DNAH2: variants seen among roughly 807,000 people sequenced by gnomAD.
The protein encoded by DNAH2 is dynein axonemal heavy chain 2, also known as axonemal beta dynein heavy chain 2.
Under a neutral mutation model 523.5 loss-of-function variants are expected in DNAH2, and 323 were observed. That is an observed-to-expected ratio of 0.62 (90% CI 0.56 to 0.68). DNAH2 has a LOEUF of 0.68. DNAH2 is among the 30% of genes least tolerant of loss of function. The pLI, the probability that DNAH2 is intolerant of heterozygous loss-of-function variation, is 0.00. For synonymous variants in DNAH2, 2,093 were observed against 2,177.4 expected (o/e 0.96, Z 1.08); for missense variants, 4,907 against 5,701.5 (o/e 0.86, Z 4.49).
chr17:7,818,742 A>G lies in DNAH2; in HGVS notation c.10636A>G (p.Arg3546Gly). ...SLVINIAAGK[R>G]KLKELEDEIL... Reference sequence around the variant, plus strand: ...GGTCATCAACATCGCGGCTGGTAAAAGGAAGCTCAAGGAGCTGGAGGATGA... The same window carrying G: ...GGTCATCAACATCGCGGCTGGTAAAGGGAAGCTCAAGGAGCTGGAGGATGA... The change falls in exon 70 of 86, where the codon AGG becomes GGG. Residue 3546 changes from arginine (R) to glycine (G), a missense_variant. Arg to Gly is a moderately radical substitution (Grantham distance 125). Around this residue, in one of 3 missense-constraint regions of DNAH2, gnomAD observed 1,851 missense variants for 2,139.4 expected, o/e 0.87. Transcript: ENST00000572933. 6.2e-7 allele frequency: 1 copy of G among 1,614,074 alleles called. No homozygotes were observed. The highest frequency in any genetic ancestry group is 8.5e-7 in the Non-Finnish European group (1 of 1,179,980).
chr17:7,741,273 TCTTTCTTTCTTTCTTTCTTTCTTCCTTC>T (rs1567624517), intron 11 of DNAH2, among the ~76,000 whole-genome samples: 4 of 52,470 alleles, frequency 7.6e-5, no homozygotes, highest in African/African-American at 2.2e-4. Context: ...TTTCTTTCTT[TCTTTCTTTCTTTCTTTCTTTCTTCCTTC>T]CTTCCCTCCC....
intron 73 of DNAH2, among the ~76,000 whole-genome samples, chr17:7,822,990 ACT>A (rs2077902499): frequency 2.0e-5 from 3 of 151,716 alleles, no homozygotes; most frequent in African/African-American, 7.3e-5. Context: ...TCATCTCTTC[ACT>A]CTCATACAAA....
Position 7,768,057 on chromosome 17 carries a change from A to G in DNAH2, c.3833A>G (p.Tyr1278Cys). The G allele has an allele frequency of 1.2e-6, 2 of 1,614,124 alleles. No homozygotes were observed. The highest frequency in any genetic ancestry group is 8.5e-7 in the Non-Finnish European group (1 of 1,180,020). Residue 1278 changes from tyrosine (Y) to cysteine (C), a missense_variant, in exon 23 of 86, where the codon TAT (tyrosine) becomes TGT (cysteine). By Grantham distance (194) the Tyr-to-Cys change is radical. This residue lies in a region of DNAH2 where 2,806 missense variants were observed against 3,190.8 expected (regional missense o/e 0.88). Coordinates refer to ENST00000572933, the MANE Select transcript of DNAH2 (RefSeq NM_020877.5). ...CGCCTCACAAAATTAGCCAAAGAGT[A>G]TAAGGTGGGGAGAAACGGCGGGGAG... ...FRRLTKLAKE[Y>C]KDRNWEIIET...
chr17:7,739,816 A>G lies in DNAH2; in HGVS notation c.1254A>G (p.Pro418=). The G allele has an allele frequency of 6.2e-7, 1 of 1,614,072 alleles. No homozygotes were observed. The highest frequency in any genetic ancestry group is 8.5e-7 in the Non-Finnish European group (1 of 1,180,010). ...CTTGCTTCTTTGGTGCCCAGGGGCC[A>G]CAGATAACACGGAACTTGCTGGAGA... ...PLPCFFGAQG[P]QITRNLLEIE... is the part of the protein sequence containing the mutation. Residue 418 remains proline (P), a synonymous_variant, in exon 9 of 86, where the codon CCA becomes CCG. Transcript: ENST00000572933.
In DNAH2 at chr17:7,786,259, G is replaced by C; in HGVS notation, c.6265G>C (p.Gly2089Arg). Reference protein sequence around the residue: ...STMIVGCTGSGKTASWRILQA... With the variant: ...STMIVGCTGSRKTASWRILQA... ...CATGATCGTGGGCTGCACGGGCAGC[G>C]GCAAGACTGCCTCATGGCGCATTCT... The change falls in exon 40 of 86, where the codon GGC (glycine) becomes CGC (arginine). Residue 2089 changes from glycine to arginine, a missense_variant. Transcript: ENST00000572933. This position sits in a 1 kb window ranked among gnomAD's most constrained non-coding sequence, Gnocchi z 7.5. The C allele has an allele frequency of 6.2e-7, 1 of 1,614,018 alleles. No homozygotes were observed. Among genetic ancestry groups the C allele is most frequent in the Non-Finnish European group, 8.5e-7 (1 of 1,180,010 alleles).
In DNAH2 at chr17:7,821,441, C is replaced by G. The variant is rs577224233; in HGVS notation, c.11142+72C>G. The G allele has an allele frequency of 2.7e-5, 41 of 1,529,656 alleles. No homozygotes were observed. The Admixed American group carries it at 4.8e-4, about 18-fold the overall frequency. 94.8% of individuals were successfully genotyped at this position (1,529,656 alleles called of 1,614,324 possible). ...GGGATGAGGGCAAGTGTGACAAGGA[C>G]TCCAGACCCAGAGGGTCAGGCCCAC... On this transcript the variant is annotated intron_variant, in intron 73 of 85. Coordinates refer to ENST00000572933, the MANE Select transcript of DNAH2 (RefSeq NM_020877.5). The surrounding 1 kb of genome is among the most constrained non-coding windows in gnomAD (Gnocchi z 5.0).
At chr17:7,791,412 A>G (rs1466953090) in intron 44 of DNAH2, among the ~76,000 whole-genome samples, 1 of 152,144 alleles carries the variant, frequency 6.6e-6, no homozygotes, top group Non-Finnish European at 1.5e-5. Flanking sequence ...CATGCTATAT[A>G]CTGCAACATG....
At chr17:7,778,560 G>T (rs1238442016) in intron 35 of DNAH2, 91 bp downstream of exon 35, 1 of 1,221,508 alleles carries the variant, frequency 8.2e-7, no homozygotes, top group African/African-American at 1.5e-5. Context: ...TCAGTGCTTT[G>T]TAGCTTCATG....
At chr17:7,788,338 A>C in intron 44 of DNAH2, 94 bp downstream of exon 44, 1 of 1,427,382 alleles carries the variant, frequency 7.0e-7, no homozygotes, top group Non-Finnish European at 9.3e-7. Flanking sequence ...AGACAGGTTG[A>C]ACTCCAGGCT....
At chr17:7,758,776 C>CT in intron 14 of DNAH2, 109 bp from the exon 15 acceptor site, 1 of 1,560,692 alleles carries the variant, frequency 6.4e-7, no homozygotes, top group Non-Finnish European at 8.7e-7. Context: ...TGGGGAAGGA[C>CT]TTTTTTGTGT....
chr17:7,819,153 C>A, intron 71 of DNAH2, 56 bp from the exon 72 acceptor site: 1 of 1,608,074 alleles, frequency 6.2e-7, no homozygotes, highest in Non-Finnish European at 8.5e-7. Context: ...TTCCCTGAGC[C>A]CCTGCTCCCT....
In DNAH2 at chr17:7,734,625, G is replaced by T; in HGVS notation, c.895G>T (p.Gly299Ter). 1 of 1,613,380 alleles carries T rather than the reference G, an allele frequency of 6.2e-7. No individual in the cohort carries two copies. Among genetic ancestry groups the T allele is most frequent in the Non-Finnish European group, 8.5e-7 (1 of 1,179,934 alleles). ...SGISKQLVKK[G>*]VKHVESILHL... is the part of the protein sequence containing the mutation. ...CATCAGTAAGCAGCTGGTGAAGAAGGGAGTGAAGCACGTTGAATCCATCCT... is the reference window on the plus strand; with the variant it reads ...CATCAGTAAGCAGCTGGTGAAGAAGTGAGTGAAGCACGTTGAATCCATCCT... Residue 299 changes from glycine (G) to a stop codon, truncating the protein, a stop_gained, in exon 7 of 86, where the codon GGA becomes TGA. Transcript: ENST00000572933. LOFTEE classifies it high-confidence loss of function.
Position 7,764,288 on chromosome 17 carries a change from T to G in DNAH2, c.3336+15T>G, listed in dbSNP as rs367665704. The G allele has an allele frequency of 2.5e-6, 4 of 1,584,400 alleles. No individual in the cohort carries two copies. The highest frequency in any genetic ancestry group is 3.4e-6 in the Non-Finnish European group (4 of 1,164,186). ...TCGAGGACAGTGTGAGTTCCTTTGG[T>G]GTTTGGTTTACCTGGGACCCGTATC... On this transcript the variant is annotated intron_variant, in intron 20 of 85. Coordinates refer to ENST00000572933, the MANE Select transcript of DNAH2 (RefSeq NM_020877.5).
chr17:7,766,379 C>T lies in DNAH2; in HGVS notation c.3573C>T (p.Ala1191=). 23 of 1,614,096 alleles carry T rather than the reference C, an allele frequency of 1.4e-5. No individual in the cohort carries two copies. The highest frequency in any genetic ancestry group is 1.9e-5 in the Non-Finnish European group (23 of 1,180,016). ...SALDQITQVR[A]MLMAMREEEN... ...TAGACCAGATTACACAAGTGCGGGC[C>T]ATGCTGATGGCCATGCGGGAAGAGG... is the stretch of plus-strand genomic sequence containing the variant. Residue 1191 remains alanine (A), a synonymous_variant, in exon 22 of 86, where the codon GCC becomes GCT. Transcript: ENST00000572933.
intron 8 of DNAH2, chr17:7,739,145 C>A: frequency 1.7e-6 from 1 of 577,014 alleles, no homozygotes; most frequent in Non-Finnish European, 3.2e-6. Flanking sequence ...GTGGCTCACG[C>A]CTGTAATCCC....
At chr17:7,738,965 T>C in intron 8 of DNAH2, 1 of 702,844 alleles carries the variant, frequency 1.4e-6, no homozygotes, top group Non-Finnish European at 2.6e-6. Context: ...CAGACCAGCA[T>C]CTTTGCTCAG....
At chr17:7,740,247 C>T (rs1049065424) in intron 9 of DNAH2, among the ~76,000 whole-genome samples, 173 bp from the exon 10 acceptor site, 7 of 152,122 alleles carry the variant, frequency 4.6e-5, no homozygotes, top group South Asian at 2.1e-4. Flanking sequence ...GAGATAGAGC[C>T]CATCTCACAG....
chr17:7,826,782 G>T (rs2078033707), intron 77 of DNAH2, among the ~76,000 whole-genome samples: 1 of 151,770 alleles, frequency 6.6e-6, no homozygotes. Flanking sequence ...CAGGCAATCT[G>T]CCTACTCTCG....
chr17:7,787,833 G>A, intron 42 of DNAH2, 27 bp from the exon 43 acceptor site: 1 of 1,575,730 alleles, frequency 6.3e-7, no homozygotes, highest in Non-Finnish European at 8.7e-7. Context: ...AGAGAAAGAT[G>A]AAGTTCTGAC....
Sources: allele counts gnomAD v4.1 joint callset (sites outside exome capture counted in the v4.1 genomes callset), GRCh38; gene constraint gnomAD v4.1.1; regional missense constraint gnomAD v4.1.1; non-coding constraint Gnocchi (gnomAD v3.1); transcripts MANE v1.5; gene names NCBI Gene and HGNC (gene_info 2026-07-23, HGNC 2026-07-21).